The following CTNNA3 variants were observed in gnomAD, a reference collection of about 807,000 sequenced individuals.
CTNNA3 encodes the protein catenin alpha 3, also known as catenin alpha-3.
Under a neutral mutation model 95.7 loss-of-function variants are expected in CTNNA3, and 76 were observed. The ratio of observed to expected loss-of-function variants is 0.79; its 90% CI spans 0.66 to 0.96. CTNNA3 has a LOEUF of 0.96. Among genes scored for constraint, CTNNA3 ranks in the 40% least tolerant of loss-of-function variants. The pLI, the probability that CTNNA3 is intolerant of heterozygous loss-of-function variation, is 0.00. For missense variants in CTNNA3, 1,191 were observed against 1,089.8 expected, an observed-to-expected ratio of 1.09 and a Z score of -1.31; for synonymous variants, 431 against 374.4, an observed-to-expected ratio of 1.15 and a Z score of -1.74.
intron 11 of CTNNA3, among the ~76,000 whole-genome samples, chr10:66,388,430 G>A (rs1471847733): frequency 6.6e-6 from 1 of 152,074 alleles, no homozygotes; most frequent in Non-Finnish European, 1.5e-5. Flanking sequence ...TGAATGAGTA[G>A]TCACCTCTTC....
At chr10:67,108,091 A>T (rs1235341210) in intron 7 of CTNNA3, among the ~76,000 whole-genome samples, 1 of 152,240 alleles carries the variant, frequency 6.6e-6, no homozygotes, top group Non-Finnish European at 1.5e-5. Context: ...ACAGACCAGT[A>T]CTAGAATGTA....
chr10:66,986,660 T>C (rs1410033804), intron 7 of CTNNA3, among the ~76,000 whole-genome samples: 3 of 152,158 alleles, frequency 2.0e-5, no homozygotes, highest in African/African-American at 4.8e-5. Context: ...GAATCAACTA[T>C]AGTCAACTAT....
rs576969256 is a variant in CTNNA3, at chr10:66,489,292, G to A, written c.1531+31325C>T. Among the ~76,000 whole-genome samples the A allele has an allele frequency of 5.9e-5, 9 of 152,276 alleles. No homozygotes were observed. In the South Asian group the frequency reaches 1.7e-3, roughly 28 times the overall value. Reference sequence around the variant, plus strand: ...CATCTCTTGTCCATAAACAGTTCATGAGAGAGTTTCAGTTACATTTCTAAA... The same window carrying A: ...CATCTCTTGTCCATAAACAGTTCATAAGAGAGTTTCAGTTACATTTCTAAA... On this transcript the variant is annotated intron_variant, in intron 11 of 17. Transcript: ENST00000433211.
chr10:66,995,819 C>T (rs189711965), intron 7 of CTNNA3, among the ~76,000 whole-genome samples: 2 of 152,264 alleles, frequency 1.3e-5, no homozygotes, highest in Admixed American at 6.5e-5. Flanking sequence ...GCATTACTGC[C>T]TCTACAAACC....
intron 11 of CTNNA3, among the ~76,000 whole-genome samples, chr10:66,398,333 C>G (rs566969583): frequency 2.8e-4 from 43 of 151,940 alleles, no homozygotes; most frequent in African/African-American, 1.0e-3. Flanking sequence ...TGCTCAAGAA[C>G]AAATTTTTTG....
At chr10:67,524,640 T>C (rs1192203289) in intron 4 of CTNNA3, among the ~76,000 whole-genome samples, 2 of 152,194 alleles carry the variant, frequency 1.3e-5, no homozygotes, top group African/African-American at 4.8e-5. Flanking sequence ...TGTAAAACCA[T>C]GATAATTTCA....
chr10:66,382,505 C>G (rs2092849642), intron 11 of CTNNA3, among the ~76,000 whole-genome samples: 1 of 152,082 alleles, frequency 6.6e-6, no homozygotes, highest in African/African-American at 2.4e-5. Context: ...CAGGGCACAG[C>G]TGAACAAAAG....
At chr10:66,393,774 A>G (rs1302993240) in intron 11 of CTNNA3, among the ~76,000 whole-genome samples, 1 of 152,038 alleles carries the variant, frequency 6.6e-6, no homozygotes, top group Non-Finnish European at 1.5e-5. Context: ...ATTCCAAGAG[A>G]TAGATCTGTT....
chr10:67,365,536 A>T (rs1214041214), intron 5 of CTNNA3, among the ~76,000 whole-genome samples: 1 of 152,126 alleles, frequency 6.6e-6, no homozygotes, highest in African/African-American at 2.4e-5. Flanking sequence ...CAAGAAAAAA[A>T]CAAACAACCC....
At chr10:66,674,631 T>C (rs745750645) in intron 9 of CTNNA3, among the ~76,000 whole-genome samples, 5 of 152,086 alleles carry the variant, frequency 3.3e-5, no homozygotes, top group Non-Finnish European at 5.9e-5. Context: ...TAAATCATTA[T>C]CTTTTGTCTA....
At chr10:67,249,731 T>A (rs1232278209) in intron 5 of CTNNA3, among the ~76,000 whole-genome samples, 1 of 152,206 alleles carries the variant, frequency 6.6e-6, no homozygotes, top group Non-Finnish European at 1.5e-5. Flanking sequence ...CAGCTCCAGG[T>A]GCAAGGCAGG....
chr10:66,309,897 A>G lies in CTNNA3; in HGVS notation c.1733-29276T>C, dbSNP rs954859143. On this transcript the variant is annotated intron_variant, in intron 12 of 17. Coordinates refer to ENST00000433211, the MANE Select transcript of CTNNA3 (RefSeq NM_013266.4). ...ACATGGTGAAACCCCGTCTCTACCAAAGATACAAAAAATAAATAAATAAAT... is the reference window on the plus strand; with the variant it reads ...ACATGGTGAAACCCCGTCTCTACCAGAGATACAAAAAATAAATAAATAAAT... Among the ~76,000 whole-genome samples, 4 of 144,906 alleles carry G rather than the reference A, an allele frequency of 2.8e-5. No homozygotes were observed. In the South Asian group the frequency reaches 8.7e-4, roughly 32 times the overall value.
At chr10:66,767,239 A>G (rs1019610485) in intron 8 of CTNNA3, among the ~76,000 whole-genome samples, 6 of 152,156 alleles carry the variant, frequency 3.9e-5, no homozygotes, top group Admixed American at 2.6e-4. Flanking sequence ...CGAGGTCAGG[A>G]GTTCGAGAAC....
intron 7 of CTNNA3, among the ~76,000 whole-genome samples, chr10:66,873,196 G>A (rs1844481658): frequency 1.3e-5 from 2 of 152,072 alleles, no homozygotes; most frequent in South Asian, 4.1e-4. Flanking sequence ...ATACCTTTGG[G>A]TATATATACC....
intron 9 of CTNNA3, among the ~76,000 whole-genome samples, chr10:66,763,329 C>G (rs71496007): frequency 0.036 from 2,590 of 71,062 alleles, 69 homozygotes; most frequent in Non-Finnish European, 0.036. Context: ...CACACACACA[C>G]ACACACACAC....
At chr10:66,406,830 T>C (rs552435937) in intron 11 of CTNNA3, among the ~76,000 whole-genome samples, 9 of 152,270 alleles carry the variant, frequency 5.9e-5, no homozygotes, top group African/African-American at 2.2e-4. Context: ...ATATAGATAG[T>C]ATAATGATAT....
intron 3 of CTNNA3, among the ~76,000 whole-genome samples, chr10:67,597,357 C>T (rs1842960891): frequency 6.6e-6 from 1 of 152,216 alleles, no homozygotes; most frequent in African/African-American, 2.4e-5. Context: ...GGCCAGAGTT[C>T]TTACACTGGT....
chr10:67,630,262 CA>C (rs1444817353), intron 2 of CTNNA3, among the ~76,000 whole-genome samples: 1 of 152,174 alleles, frequency 6.6e-6, no homozygotes, highest in African/African-American at 2.4e-5. Flanking sequence ...ATCACATACC[CA>C]ACATCCACTT....
intron 1 of CTNNA3, among the ~76,000 whole-genome samples, chr10:67,703,977 C>T (rs1841061295): frequency 6.6e-6 from 1 of 152,100 alleles, no homozygotes; most frequent in African/African-American, 2.4e-5. Flanking sequence ...TCTTATACAC[C>T]AATAACAGAC....
Sources: allele counts gnomAD v4.1 joint callset (sites outside exome capture counted in the v4.1 genomes callset), GRCh38; gene constraint gnomAD v4.1.1; transcripts MANE v1.5; gene names NCBI Gene and HGNC (gene_info 2026-07-23, HGNC 2026-07-21).